ADRA1A: variants seen among roughly 807,000 people sequenced by gnomAD.
The protein encoded by ADRA1A is adrenoceptor alpha 1A.
In ADRA1A, 31 loss-of-function variants were observed where a neutral mutation model predicts 29.6. The ratio of observed to expected loss-of-function variants is 1.05; its 90% confidence interval spans 0.79 to 1.41. The LOEUF is 1.41. Ranked by LOEUF, ADRA1A falls within the 40% of genes most tolerant of loss-of-function variation. The probability of loss-of-function intolerance (pLI) is 0.00; values close to 1 mark genes in which losing one functional copy is unlikely to be tolerated. For synonymous variants in ADRA1A, 311 were observed against 254.3 expected (o/e 1.22, Z -2.12); for missense variants, 619 against 601.1 (o/e 1.03, Z -0.31).
At chr8:26,760,887 G>A (rs1805472554), downstream of ADRA1A, among the ~76,000 whole-genome samples, 1 of 152,204 alleles carries the variant, frequency 6.6e-6, no homozygotes, top group Admixed American at 6.5e-5. Flanking sequence ...AATCCTCAGG[G>A]TCATCAACTT....
intron 2 of ADRA1A, among the ~76,000 whole-genome samples, chr8:26,802,723 T>C (rs1808677304): frequency 6.6e-6 from 1 of 152,156 alleles, no homozygotes; most frequent in Non-Finnish European, 1.5e-5. Flanking sequence ...TACTGCTAGG[T>C]ATATACCTAA....
At chr8:26,833,993 G>T (rs1275387970) in intron 2 of ADRA1A, among the ~76,000 whole-genome samples, 3 of 152,282 alleles carry the variant, frequency 2.0e-5, no homozygotes, top group South Asian at 4.1e-4. Context: ...TGTATGTCTG[G>T]ATAACTCAAA....
Position 26,864,670 on chromosome 8 carries a change from G to T in ADRA1A, c.300C>A (p.Asn100Lys), listed in dbSNP as rs760210202. ...GYWAFGRVFC[N>K]IWAAVDVLCC... ...ACAGCACATCCACTGCCGCCCAGAT[G>T]TTGCAGAAGACCCTGCCGAAGGCCC... is the stretch of plus-strand genomic sequence containing the variant. Residue 100 changes from asparagine to lysine, a missense_variant, in exon 2 of 3, where the codon AAC becomes AAA. Asn to Lys is a moderately conservative substitution (Grantham distance 94). Transcript: ENST00000380573. The surrounding 1 kb of genome is among the most constrained non-coding windows in gnomAD (Gnocchi z 8.1). 3.1e-6 allele frequency: 5 copies of T among 1,614,072 alleles called. No homozygotes were observed. Among genetic ancestry groups the T allele is most frequent in the Admixed American group, 1.7e-5 (1 of 60,014 alleles).
chr8:26,779,591 C>A (rs970963411), intron 2 of ADRA1A, among the ~76,000 whole-genome samples: 6 of 151,954 alleles, frequency 3.9e-5, no homozygotes, highest in African/African-American at 1.5e-4. Flanking sequence ...GGGAAGAGGG[C>A]AGGCTTTGGA....
At chr8:26,843,936 T>C (rs1812020589) in intron 2 of ADRA1A, among the ~76,000 whole-genome samples, 1 of 152,254 alleles carries the variant, frequency 6.6e-6, no homozygotes, top group Non-Finnish European at 1.5e-5. Context: ...TGAAGCAAGT[T>C]ATGATTATTT....
At chr8:26,753,141 G>T (rs1804994739), downstream of ADRA1A, among the ~76,000 whole-genome samples, 1 of 152,210 alleles carries the variant, frequency 6.6e-6, no homozygotes, top group African/African-American at 2.4e-5. Flanking sequence ...CAGGTTCTGA[G>T]CCCATGGCTA....
At chr8:26,757,194 T>G (rs1317478188) in intron 2 of ADRA1A, 3 of 700,784 alleles carry the variant, frequency 4.3e-6, no homozygotes, top group Non-Finnish European at 5.2e-6. Flanking sequence ...AGTGACTTTT[T>G]TTCCTCTCTT....
chr8:26,807,698 G>A (rs1809096339), intron 2 of ADRA1A, among the ~76,000 whole-genome samples: 1 of 152,152 alleles, frequency 6.6e-6, no homozygotes, highest in Non-Finnish European at 1.5e-5. Flanking sequence ...CTTTTGGTGG[G>A]AATGTAGCAT....
At chr8:26,773,314 C>T (rs1203006704) in intron 2 of ADRA1A, among the ~76,000 whole-genome samples, 1 of 152,198 alleles carries the variant, frequency 6.6e-6, no homozygotes, top group Non-Finnish European at 1.5e-5. Flanking sequence ...TTTCGAACCT[C>T]ATCTGTGATG....
At chr8:26,782,510 A>G (rs546266919) in intron 2 of ADRA1A, among the ~76,000 whole-genome samples, 3 of 152,160 alleles carry the variant, frequency 2.0e-5, no homozygotes, top group Non-Finnish European at 2.9e-5. Context: ...GAAAATAGGA[A>G]TTGGCCATGC....
chr8:26,850,988 A>G (rs1260357388), intron 2 of ADRA1A, among the ~76,000 whole-genome samples: 1 of 152,174 alleles, frequency 6.6e-6, no homozygotes. Context: ...TTACTCACAA[A>G]AGCAGGCCAT....
rs183130183 is a variant in ADRA1A at position 26,801,962 on chromosome 8, T to C, written c.884-31296A>G. Among the ~76,000 whole-genome samples, 424 of 152,344 alleles carry C rather than the reference T, an allele frequency of 2.8e-3. 5 individuals carry two copies. Among genetic ancestry groups the C allele is most frequent in the Middle Eastern group, 0.01 (3 of 294 alleles). On this transcript the variant is annotated intron_variant, in intron 2 of 2. Transcript: ENST00000380573. ...TCATACATCTACAGTGAACTCATTT[T>C]TGACAAAGGTGCCACGAATATACAC...
chr8:26,794,519 C>A (rs1808059284), intron 2 of ADRA1A, among the ~76,000 whole-genome samples: 1 of 151,994 alleles, frequency 6.6e-6, no homozygotes, highest in Non-Finnish European at 1.5e-5. Flanking sequence ...TGAATGCAAC[C>A]ATAGTCATTA....
chr8:26,808,792 C>T (rs930097592), intron 2 of ADRA1A, among the ~76,000 whole-genome samples: 7 of 152,216 alleles, frequency 4.6e-5, no homozygotes, highest in African/African-American at 1.4e-4. Context: ...TCTTGCATAA[C>T]ATTTTGGACA....
At chr8:26,757,524 C>A (rs941259349) in intron 2 of ADRA1A, among the ~76,000 whole-genome samples, 6 of 151,640 alleles carry the variant, frequency 4.0e-5, no homozygotes, top group Non-Finnish European at 5.9e-5. Context: ...CCCCACCCCC[C>A]ACCTCTGCTC....
At chr8:26,826,902 A>G (rs1244691374) in intron 2 of ADRA1A, among the ~76,000 whole-genome samples, 1 of 152,246 alleles carries the variant, frequency 6.6e-6, no homozygotes. Context: ...ACCTCAGTCA[A>G]TTACTATAGC....
At chr8:26,761,267 C>T (rs1351768428), downstream of ADRA1A, among the ~76,000 whole-genome samples, 4 of 152,132 alleles carry the variant, frequency 2.6e-5, no homozygotes, top group Non-Finnish European at 2.9e-5. Context: ...TTGGGATGAT[C>T]AGAAATGGCT....
intron 2 of ADRA1A, among the ~76,000 whole-genome samples, chr8:26,786,461 G>T (rs1334318344): frequency 6.6e-6 from 1 of 151,716 alleles, no homozygotes; most frequent in African/African-American, 2.4e-5. Context: ...ACTCATTATT[G>T]CAAGAGATGT....
chr8:26,769,318 T>C lies in ADRA1A; in HGVS notation c.*831A>G. ...ACCAACCTCTTGCTCTTTAAAGATATTAGAGAGAAAGCCTATCATCATCTG... is the reference window on the plus strand; with the variant it reads ...ACCAACCTCTTGCTCTTTAAAGATACTAGAGAGAAAGCCTATCATCATCTG... On this transcript the variant is annotated 3_prime_UTR_variant, in exon 3 of 3. Coordinates refer to ENST00000380573, the MANE Select transcript of ADRA1A (RefSeq NM_000680.4). 2.0e-6 allele frequency: 2 copies of C among 985,404 alleles called. No homozygotes were observed. Among genetic ancestry groups the C allele is most frequent in the Non-Finnish European group, 2.4e-6 (2 of 829,902 alleles). 61.0% of individuals were successfully genotyped at this position (985,404 alleles called of 1,614,324 possible). A position where few individuals can be genotyped will look rare whatever the true frequency, so the allele number is the denominator to read the frequency against.
Sources: allele counts gnomAD v4.1 joint callset (sites outside exome capture counted in the v4.1 genomes callset), GRCh38; gene constraint gnomAD v4.1.1; non-coding constraint Gnocchi (gnomAD v3.1); transcripts MANE v1.5; gene names NCBI Gene and HGNC (gene_info 2026-07-23, HGNC 2026-07-21).